The following DLG2 variants were observed in gnomAD, a reference collection of about 807,000 sequenced individuals.
DLG2 encodes disks large homolog 2.
A neutral mutation model predicts 132.5 loss-of-function variants in DLG2; 45 were observed. The observed-to-expected ratio is 0.34, with a 90% CI of 0.27 to 0.44. The LOEUF is 0.44. DLG2 is among the 20% of genes least tolerant of loss of function. The pLI is 1.00. For missense variants in DLG2, 1,045 were observed against 1,196.9 expected (o/e 0.87, Z 1.87); for synonymous variants, 424 against 419.6 (o/e 1.01, Z -0.13).
chr11:83,629,926 A>G (rs1179293550), intron 19 of DLG2, among the ~76,000 whole-genome samples: 1 of 152,184 alleles, frequency 6.6e-6, no homozygotes, highest in African/African-American at 2.4e-5. Context: ...CATGTTTCAC[A>G]ATGCTTTACT....
chr11:84,576,274 CATA>C (rs1236765154), intron 6 of DLG2, among the ~76,000 whole-genome samples: 2 of 152,188 alleles, frequency 1.3e-5, no homozygotes, highest in African/African-American at 4.8e-5. Flanking sequence ...ATGCCTGCCA[CATA>C]ATATGTGTTT....
intron 4 of DLG2, among the ~76,000 whole-genome samples, chr11:85,267,829 T>A (rs896720824): frequency 3.8e-4 from 58 of 152,266 alleles, no homozygotes; most frequent in African/African-American, 1.3e-3. Context: ...ACAAAATAAT[T>A]GTTTCAGACA....
At chr11:84,986,400 G>A (rs2056497696) in intron 6 of DLG2, among the ~76,000 whole-genome samples, 1 of 152,110 alleles carries the variant, frequency 6.6e-6, no homozygotes, top group African/African-American at 2.4e-5. Flanking sequence ...TATTCCACAA[G>A]ATAGAGAAAG....
intron 4 of DLG2, among the ~76,000 whole-genome samples, chr11:85,223,645 T>C (rs1213298047): frequency 6.6e-6 from 1 of 151,994 alleles, no homozygotes; most frequent in African/African-American, 2.4e-5. Context: ...TGTTTTTTTG[T>C]TGTTGTTTTT....
intron 5 of DLG2, among the ~76,000 whole-genome samples, chr11:85,118,122 GCTT>G (rs975233763): frequency 6.6e-6 from 1 of 151,910 alleles, no homozygotes; most frequent in Non-Finnish European, 1.5e-5. Flanking sequence ...CCTTCCATTT[GCTT>G]CTTTTTATTT....
intron 4 of DLG2, among the ~76,000 whole-genome samples, chr11:85,260,312 T>A (rs2076876510): frequency 6.6e-6 from 1 of 152,218 alleles, no homozygotes; most frequent in South Asian, 2.1e-4. Context: ...CTTCTTGACT[T>A]TTAATAGACA....
At chr11:84,807,420 TG>T (rs1445032661) in intron 6 of DLG2, among the ~76,000 whole-genome samples, 6 of 152,028 alleles carry the variant, frequency 3.9e-5, no homozygotes, top group Admixed American at 3.9e-4. Flanking sequence ...CACTCCAGCC[TG>T]GGCGACAAGA....
At chr11:85,315,933 A>T (rs556776442) in intron 3 of DLG2, among the ~76,000 whole-genome samples, 11 of 152,060 alleles carry the variant, frequency 7.2e-5, no homozygotes, top group Admixed American at 7.2e-4. Flanking sequence ...TCCCCCAATC[A>T]CAGGGTGAAA....
At chr11:84,578,979 T>C (rs1565354554) in intron 6 of DLG2, among the ~76,000 whole-genome samples, 1 of 152,136 alleles carries the variant, frequency 6.6e-6, no homozygotes, top group East Asian at 1.9e-4. Context: ...TGAAATCTGA[T>C]GGGTTTATAA....
chr11:85,359,105 T>G (rs748223653), intron 3 of DLG2, among the ~76,000 whole-genome samples: 2 of 152,230 alleles, frequency 1.3e-5, no homozygotes, highest in Admixed American at 6.5e-5. Flanking sequence ...GCAAAGACAT[T>G]GTTATCACAC....
chr11:85,371,960 T>C (rs1345148998), intron 3 of DLG2, among the ~76,000 whole-genome samples: 5 of 152,224 alleles, frequency 3.3e-5, no homozygotes, highest in Non-Finnish European at 5.9e-5. Context: ...CATAATTTGT[T>C]TTTTAACAAA....
At chr11:85,284,065 A>G (rs909299036) in intron 4 of DLG2, among the ~76,000 whole-genome samples, 1 of 151,936 alleles carries the variant, frequency 6.6e-6, no homozygotes, top group African/African-American at 2.4e-5. Flanking sequence ...ATATGGATAA[A>G]TGCTATTAGT....
chr11:84,841,082 G>A (rs933297615), intron 6 of DLG2, among the ~76,000 whole-genome samples: 67 of 150,960 alleles, frequency 4.4e-4, no homozygotes, highest in Non-Finnish European at 8.8e-4. Context: ...GCAATAAAAA[G>A]AGTGCAGTAA....
chr11:83,732,158 A>G (rs2091132918), intron 18 of DLG2, among the ~76,000 whole-genome samples: 1 of 152,188 alleles, frequency 6.6e-6, no homozygotes, highest in South Asian at 2.1e-4. Context: ...AGAGAAAGCC[A>G]TTTTGTGTTT....
At chr11:85,505,569 C>T (rs755507939) in intron 3 of DLG2, among the ~76,000 whole-genome samples, 14 of 152,188 alleles carry the variant, frequency 9.2e-5, no homozygotes, top group East Asian at 3.9e-4. Flanking sequence ...GAGCTGAAGC[C>T]GACTTGATGG....
At chr11:83,620,869 C>CA (rs56868518) in intron 19 of DLG2, among the ~76,000 whole-genome samples, 16,539 of 56,956 alleles carry the variant, frequency 0.29, 3,455 homozygotes, top group Middle Eastern at 0.35. Flanking sequence ...GACTCCGTCT[C>CA]AAAAAAAAAA....
At chr11:84,131,144 A>G (rs776169828) in intron 9 of DLG2, among the ~76,000 whole-genome samples, 9 of 151,994 alleles carry the variant, frequency 5.9e-5, no homozygotes, top group Non-Finnish European at 1.0e-4. Flanking sequence ...CTGGTTTTAA[A>G]AGAAGAAAAA....
At chr11:84,464,395 AG>A (rs2099088560) in intron 7 of DLG2, among the ~76,000 whole-genome samples, 1 of 151,222 alleles carries the variant, frequency 6.6e-6, no homozygotes. Context: ...AGTAAACATG[AG>A]TACTAACCCT....
intron 17 of DLG2, among the ~76,000 whole-genome samples, chr11:83,800,198 T>G (rs1170671851): frequency 6.6e-6 from 1 of 152,136 alleles, no homozygotes. Flanking sequence ...GAGTGCTGAG[T>G]TCCAGTCATG....
Sources: gnomAD v4.1 joint callset for allele counts (sites outside exome capture counted in the v4.1 genomes callset) on GRCh38, gnomAD v4.1.1 for gene constraint, MANE v1.5 for transcripts, NCBI Gene and HGNC (gene_info 2026-07-23, HGNC 2026-07-21) for gene names.